Variants in CSMD1 observed in about 807,000 individuals in gnomAD.
The protein encoded by CSMD1 is CUB and Sushi multiple domains 1.
A neutral mutation model predicts 417.5 loss-of-function variants in CSMD1; 213 were observed. That is an observed-to-expected ratio of 0.51 (90% CI 0.46 to 0.57). The LOEUF (loss-of-function observed/expected upper bound fraction) is 0.57. CSMD1 is among the 20% of genes least tolerant of loss of function. CSMD1 has a pLI of 0.00. For synonymous variants in CSMD1, 2,862 were observed against 1,736.8 expected, an observed-to-expected ratio of 1.65 and a Z score of -16.11; for missense variants, 6,923 against 4,529.7, an observed-to-expected ratio of 1.53 and a Z score of -15.17.
intron 6 of CSMD1, among the ~76,000 whole-genome samples, chr8:3,735,461 T>G (rs1048133186): frequency 6.6e-5 from 10 of 152,334 alleles, no homozygotes; most frequent in Admixed American, 3.3e-4. Context: ...GGCAAAATGT[T>G]TTAGAAGTCT....
chr8:4,075,962 G>C (rs76954441), intron 3 of CSMD1, among the ~76,000 whole-genome samples: 5 of 152,104 alleles, frequency 3.3e-5, no homozygotes, highest in Non-Finnish European at 7.4e-5. Flanking sequence ...TTCCCTCTAA[G>C]TTTTAAAACA....
At chr8:4,945,275 G>T (rs1808293046) in intron 1 of CSMD1, among the ~76,000 whole-genome samples, 1 of 152,122 alleles carries the variant, frequency 6.6e-6, no homozygotes, top group East Asian at 1.9e-4. Flanking sequence ...TGTTGAATGG[G>T]AACAGAGTTT....
intron 3 of CSMD1, among the ~76,000 whole-genome samples, chr8:4,319,601 T>G (rs780445576): frequency 6.6e-6 from 1 of 152,110 alleles, no homozygotes; most frequent in Non-Finnish European, 1.5e-5. Context: ...AGAGTGGTGA[T>G]TCCTGAGAGA....
chr8:4,563,162 G>C (rs1162437467), intron 2 of CSMD1, among the ~76,000 whole-genome samples: 3 of 152,114 alleles, frequency 2.0e-5, no homozygotes, highest in Admixed American at 6.5e-5. Context: ...AGCACTTTCG[G>C]AGGCCGAGGC....
chr8:3,714,996 G>C (rs551967886), intron 6 of CSMD1, among the ~76,000 whole-genome samples: 34 of 152,048 alleles, frequency 2.2e-4, no homozygotes, highest in African/African-American at 7.7e-4. Flanking sequence ...TCTAATATTA[G>C]AATTTAGAAT....
chr8:4,604,862 T>A (rs1000247464), intron 2 of CSMD1, among the ~76,000 whole-genome samples: 1 of 152,222 alleles, frequency 6.6e-6, no homozygotes, highest in Non-Finnish European at 1.5e-5. Context: ...TAGCAAAAGG[T>A]AATTATTGAA....
At chr8:3,851,649 G>A (rs187541602) in intron 5 of CSMD1, among the ~76,000 whole-genome samples, 1 of 152,120 alleles carries the variant, frequency 6.6e-6, no homozygotes, top group Non-Finnish European at 1.5e-5. Flanking sequence ...AGCTTTAGGT[G>A]ATAGACAATA....
At chr8:3,840,322 G>T (rs1406919358) in intron 5 of CSMD1, among the ~76,000 whole-genome samples, 1 of 152,106 alleles carries the variant, frequency 6.6e-6, no homozygotes, top group Non-Finnish European at 1.5e-5. Flanking sequence ...CTAGCATCTC[G>T]CTGTCCTGTT....
intron 7 of CSMD1, among the ~76,000 whole-genome samples, chr8:3,696,740 T>G (rs1800575210): frequency 6.6e-6 from 1 of 152,226 alleles, no homozygotes; most frequent in Admixed American, 6.5e-5. Context: ...AGGATCAAGT[T>G]ATAAACTAGA....
intron 2 of CSMD1, among the ~76,000 whole-genome samples, chr8:4,468,042 A>T (rs1053256120): frequency 6.7e-6 from 1 of 149,536 alleles, no homozygotes; most frequent in Non-Finnish European, 1.5e-5. Context: ...GTTACTCAAC[A>T]GGCCCTGCCT....
chr8:4,816,412 G>A lies in CSMD1; in HGVS notation c.85+177920C>T, dbSNP rs559024831. ...GCTGGGGGCACTGTGGGGTGGTGGA[G>A]TGAGGGCGGTTCACCATGTTGGCCA... On this transcript the variant is annotated intron_variant, in intron 1 of 69. Coordinates refer to ENST00000635120, the MANE Select transcript of CSMD1 (RefSeq NM_033225.6). Among the ~76,000 whole-genome samples the A allele has an allele frequency of 2.0e-5, 3 of 152,106 alleles. No individual in the cohort carries two copies. The South Asian group carries it at 6.2e-4, about 32-fold the overall frequency.
intron 25 of CSMD1, among the ~76,000 whole-genome samples, chr8:3,285,700 A>G (rs901974683): frequency 1.3e-5 from 2 of 152,030 alleles, no homozygotes; most frequent in African/African-American, 4.8e-5. Context: ...CGCCCAGACC[A>G]GAACTTTTTA....
chr8:4,098,781 A>G (rs761661819), intron 3 of CSMD1, among the ~76,000 whole-genome samples: 4 of 152,302 alleles, frequency 2.6e-5, no homozygotes, highest in African/African-American at 4.8e-5. Context: ...AATTGCAGTC[A>G]TTACTAATAA....
chr8:4,550,274 C>T (rs370039035), intron 2 of CSMD1, among the ~76,000 whole-genome samples: 1 of 151,086 alleles, frequency 6.6e-6, no homozygotes, highest in Non-Finnish European at 1.5e-5. Flanking sequence ...GGTTTCACGG[C>T]CAACTTTGAT....
At chr8:4,782,944 G>C (rs1378916964) in intron 1 of CSMD1, among the ~76,000 whole-genome samples, 1 of 139,388 alleles carries the variant, frequency 7.2e-6, no homozygotes, top group Non-Finnish European at 1.5e-5. Context: ...TGTTTTTAAA[G>C]ACACTCAAAA....
At chr8:3,370,399 G>A (rs1208228036) in intron 18 of CSMD1, among the ~76,000 whole-genome samples, 1 of 152,284 alleles carries the variant, frequency 6.6e-6, no homozygotes, top group East Asian at 1.9e-4. Flanking sequence ...CTCTTCTCCT[G>A]GAACCTCTCC....
In CSMD1 at chr8:3,275,090, C is replaced by T. The variant is rs543956239; in HGVS notation, c.4153+9054G>A. 3.1e-3 allele frequency among the ~76,000 whole-genome samples: 466 copies of T among 152,232 alleles called. 4 individuals carry two copies. Among genetic ancestry groups the T allele is most frequent in the African/African-American group, 0.01 (423 of 41,548 alleles). The stretch of plus-strand genomic sequence containing the variant: ...ACCTTTTGTTCCTTTCCATGTTTAG[C>T]GCTTCCTTCAGGAGCTCTGTTAGTG... On this transcript the variant is annotated intron_variant, in intron 26 of 69. Coordinates refer to ENST00000635120, the MANE Select transcript of CSMD1 (RefSeq NM_033225.6).
intron 7 of CSMD1, among the ~76,000 whole-genome samples, chr8:3,658,035 G>C (rs73661610): frequency 0.011 from 1,655 of 152,178 alleles, 28 homozygotes; most frequent in African/African-American, 0.038. Context: ...TTCTCGTCTT[G>C]AAATACTCAG....
rs373434089 is a variant in CSMD1, at chr8:3,893,899, A to G, written c.818+104004T>C. Among the ~76,000 whole-genome samples, 103 of 152,258 alleles carry G rather than the reference A, an allele frequency of 6.8e-4. 2 individuals are homozygous for G. The East Asian group carries it at 0.013, about 20-fold the overall frequency. ...GTTGGAGATTTAAGATGTTAATGAG[A>G]CATGCAATTCATGAGCAAGCATGTA... On this transcript the variant is annotated intron_variant, in intron 5 of 69. Transcript: ENST00000635120.
Sources: allele counts gnomAD v4.1 joint callset (sites outside exome capture counted in the v4.1 genomes callset), GRCh38; gene constraint gnomAD v4.1.1; transcripts MANE v1.5; gene names NCBI Gene and HGNC (gene_info 2026-07-23, HGNC 2026-07-21).